C17orf99: variants seen among roughly 807,000 people sequenced by gnomAD.
The protein encoded by C17orf99 is protein IL-40.
In C17orf99, 18 loss-of-function variants were observed where a neutral mutation model predicts 22.6. The ratio of observed to expected loss-of-function variants is 0.80; its 90% confidence interval spans 0.55 to 1.18. The LOEUF (loss-of-function observed/expected upper bound fraction) is 1.18, where lower values mean the gene tolerates loss of function less well. Among genes scored for constraint, C17orf99 ranks in the 50% most tolerant of loss-of-function variants. The pLI is 0.00. For synonymous variants in C17orf99, 147 were observed against 136.6 expected (o/e 1.08, Z -0.53); for missense variants, 328 against 342.7 (o/e 0.96, Z 0.34).
At chr17:78,151,610 T>G (rs1434604933) in intron 2 of C17orf99, among the ~76,000 whole-genome samples, 1 of 151,932 alleles carries the variant, frequency 6.6e-6, no homozygotes, top group Non-Finnish European at 1.5e-5. Flanking sequence ...TTCTGGGGGT[T>G]GCCTCCCTCA....
chr17:78,150,223 C>T (rs947657757), intron 2 of C17orf99, among the ~76,000 whole-genome samples: 3 of 151,064 alleles, frequency 2.0e-5, no homozygotes, highest in East Asian at 1.9e-4. Context: ...TTGCCAGGCT[C>T]GTCTCAGACT....
intron 3 of C17orf99, among the ~76,000 whole-genome samples, chr17:78,162,940 C>G (rs2145800587): frequency 6.6e-6 from 1 of 152,298 alleles, no homozygotes; most frequent in South Asian, 2.1e-4. Flanking sequence ...CCCTTGCCCC[C>G]ATGCCGGCTA....
chr17:78,157,320 G>C (rs896929119), intron 2 of C17orf99: 2 of 554,536 alleles, frequency 3.6e-6, no homozygotes, highest in Non-Finnish European at 5.9e-6. Context: ...ACTAAGACCT[G>C]TGTTCAGCAG....
rs2075544434 is a variant in C17orf99 at position 78,158,295 on chromosome 17, TAC to T, written c.71-2656_71-2655del. On this transcript the variant is annotated intron_variant, in intron 2 of 4. Transcript: ENST00000340363. ...TGGTCCTAGGCTGCTGGACTCCTCC[TAC>T]ACATTTTTTTTTTTTGAGATGGATT... The T allele has an allele frequency of 7.1e-6, 3 of 424,904 alleles. 1 individual carries two copies. The Admixed American group carries it at 1.0e-4, about 15-fold the overall frequency. 26.3% of individuals were successfully genotyped at this position (424,904 alleles called of 1,614,324 possible).
At position 78,153,761 on chromosome 17, in the gene C17orf99, T is replaced by C. The variant is rs191494626; in HGVS notation, c.70+6850T>C. ...GTTTCTGGACCATGAAGAGAAGGCC[T>C]CTTGGCCCTGAGGGTCAAATTGACT... On this transcript the variant is annotated intron_variant, in intron 2 of 4. Coordinates refer to ENST00000340363, the MANE Select transcript of C17orf99 (RefSeq NM_001163075.2). Among the ~76,000 whole-genome samples, 540 of 152,284 alleles carry C rather than the reference T, an allele frequency of 3.5e-3. 16 individuals carry two copies. The highest frequency in any genetic ancestry group is 0.032 in the Admixed American group (488 of 15,288).
In C17orf99 at chr17:78,159,986, G is replaced by A. The variant is rs184837149; in HGVS notation, c.71-969G>A. ...TCGTCCATTGATAGATATTTGGGCC[G>A]TTTCCACCATTTGGCTGTGGTGAAT... On this transcript the variant is annotated intron_variant, in intron 2 of 4. Transcript: ENST00000340363. The A allele has an allele frequency of 1.4e-4, 62 of 444,580 alleles. 1 individual carries two copies. Among genetic ancestry groups the A allele is most frequent in the Admixed American group, 1.2e-3 (47 of 39,628 alleles). 27.5% of individuals were successfully genotyped at this position (444,580 alleles called of 1,614,324 possible).
chr17:78,165,343 T>G (rs1157288112), intron 4 of C17orf99: 1 of 985,504 alleles, frequency 1.0e-6, no homozygotes. Context: ...CCCATCTCAC[T>G]TCTACCAAGT....
In C17orf99 at chr17:78,146,437, C is replaced by T. The variant is rs189866517; in HGVS notation, c.30C>T (p.Ala10=). 664 of 1,550,208 alleles carry T rather than the reference C, an allele frequency of 4.3e-4. 11 individuals are homozygous for T. The Admixed American group carries it at 0.013, about 29-fold the overall frequency. ...GGCTCCCTGGGCTGTTCTGCTTGGC[C>T]GTGCTGGGTGAGTCCACCAGGGACG... The part of the protein sequence containing the change: MGLPGLFCL[A]VLAASSFSKA... Residue 10 remains alanine (A), a synonymous_variant, in exon 1 of 5, where the codon GCC becomes GCT. Coordinates refer to ENST00000340363, the MANE Select transcript of C17orf99 (RefSeq NM_001163075.2). The surrounding 1 kb of genome is among the most constrained non-coding windows in gnomAD (Gnocchi z 5.2).
intron 2 of C17orf99, among the ~76,000 whole-genome samples, chr17:78,153,189 T>C (rs1475269014): frequency 1.7e-4 from 26 of 151,850 alleles, no homozygotes. Flanking sequence ...TGAGAGGATA[T>C]AAAGTGAGTG....
chr17:78,146,724 G>T lies in C17orf99; in HGVS notation c.38-155G>T. 1 of 737,138 alleles carries T rather than the reference G, an allele frequency of 1.4e-6. No homozygotes were observed. The allele number at this position is 737,138 out of a possible 1,614,324, so 45.7% of individuals were successfully genotyped here. On this transcript the variant is annotated intron_variant, in intron 1 of 4. Coordinates refer to ENST00000340363, the MANE Select transcript of C17orf99 (RefSeq NM_001163075.2). The surrounding 1 kb of genome is among the most constrained non-coding windows in gnomAD (Gnocchi z 5.2). ...GTTGTGGGGGGAGGGGCGCAAAAGAGCTTTTGTGAGTGATGGTGCCAGCTG... is the reference window on the plus strand; with the variant it reads ...GTTGTGGGGGGAGGGGCGCAAAAGATCTTTTGTGAGTGATGGTGCCAGCTG...
At chr17:78,149,749 GC>G (rs1567816511) in intron 2 of C17orf99, among the ~76,000 whole-genome samples, 1 of 149,966 alleles carries the variant, frequency 6.7e-6, no homozygotes, top group African/African-American at 2.5e-5. Flanking sequence ...TCGCTCTGTC[GC>G]CCAGGCTGGA....
At chr17:78,161,983 G>C (rs1449524330) in intron 3 of C17orf99, among the ~76,000 whole-genome samples, 4 of 152,190 alleles carry the variant, frequency 2.6e-5, no homozygotes, top group Admixed American at 1.3e-4. Flanking sequence ...AGTTAAGAAA[G>C]TTGCCCCAGG....
intron 2 of C17orf99, among the ~76,000 whole-genome samples, chr17:78,147,549 T>C (rs1440347910): frequency 6.6e-6 from 1 of 151,938 alleles, no homozygotes; most frequent in East Asian, 1.9e-4. Flanking sequence ...GCTCCATCTT[T>C]CTGCCTGCAC....
chr17:78,151,423 CAA>C (rs35828431), intron 2 of C17orf99, among the ~76,000 whole-genome samples: 6 of 56,186 alleles, frequency 1.1e-4, no homozygotes, highest in Admixed American at 6.0e-4. Context: ...GACTCTGTCT[CAA>C]AAAAAAAAAA....
At chr17:78,149,710 TA>T (rs2075464448) in intron 2 of C17orf99, among the ~76,000 whole-genome samples, 1 of 149,198 alleles carries the variant, frequency 6.7e-6, no homozygotes, top group South Asian at 2.1e-4. Context: ...ATATTTAATT[TA>T]ATTTTTTTTT....
In C17orf99 at chr17:78,161,122, C is replaced by T. The variant is rs557520841; in HGVS notation, c.238C>T (p.Pro80Ser). Reference sequence around the variant, plus strand: ...CAAGAAGGTGGTGAAGACCCACGAGCCGGCCTCCTTCAACCTCAACGTCAC... The same window carrying T: ...CAAGAAGGTGGTGAAGACCCACGAGTCGGCCTCCTTCAACCTCAACGTCAC... The part of the protein sequence containing the change: ...VAKKVVKTHE[P>S]ASFNLNVTLK... Residue 80 changes from proline to serine, a missense_variant, in exon 3 of 5, where the codon CCG becomes TCG. By Grantham distance (74) the Pro-to-Ser change is moderately conservative. Coordinates refer to ENST00000340363, the MANE Select transcript of C17orf99 (RefSeq NM_001163075.2). 6.4e-7 allele frequency: 1 copy of T among 1,551,824 alleles called. No individual in the cohort carries two copies. Among genetic ancestry groups the T allele is most frequent in the African/African-American group, 1.4e-5 (1 of 73,172 alleles).
At chr17:78,152,687 G>A (rs1318165380) in intron 2 of C17orf99, among the ~76,000 whole-genome samples, 1 of 148,376 alleles carries the variant, frequency 6.7e-6, no homozygotes. Flanking sequence ...TGCCCAGGCT[G>A]GTCTCAAACT....
intron 4 of C17orf99, chr17:78,165,121 C>A (rs1197561514): frequency 9.6e-7 from 1 of 1,040,162 alleles, no homozygotes; most frequent in Admixed American, 5.4e-5. Context: ...CATGGCTTTA[C>A]TAACATGTAA....
At chr17:78,156,603 G>T (rs1184908303) in intron 2 of C17orf99, among the ~76,000 whole-genome samples, 1 of 152,000 alleles carries the variant, frequency 6.6e-6, no homozygotes, top group Non-Finnish European at 1.5e-5. Flanking sequence ...TTCTTCAAAA[G>T]TCCTTTTAAT....
Sources: allele counts gnomAD v4.1 joint callset (sites outside exome capture counted in the v4.1 genomes callset), GRCh38; gene constraint gnomAD v4.1.1; non-coding constraint Gnocchi (gnomAD v3.1); transcripts MANE v1.5; gene names NCBI Gene and HGNC (gene_info 2026-07-23, HGNC 2026-07-21).